ADGB: variants seen among roughly 807,000 people sequenced by gnomAD.
The protein encoded by ADGB is calpain-7-like protein.
In ADGB, 172 loss-of-function variants were observed where a neutral mutation model predicts 210.5. The ratio of observed to expected loss-of-function variants is 0.82; its 90% CI spans 0.72 to 0.93. The LOEUF is 0.93. ADGB is among the 40% of genes least tolerant of loss of function. ADGB has a pLI of 0.00. For synonymous variants in ADGB, 658 were observed against 662.7 expected (o/e 0.99, Z 0.11); for missense variants, 2,025 against 1,964.8 (o/e 1.03, Z -0.58).
At chr6:146,671,555 C>A (rs531432954) in intron 7 of ADGB, among the ~76,000 whole-genome samples, 1 of 151,948 alleles carries the variant, frequency 6.6e-6, no homozygotes, top group African/African-American at 2.4e-5. Flanking sequence ...ATGTGTGAGT[C>A]TGGATATCAG....
At chr6:146,621,582 T>C (rs897420825) in intron 1 of ADGB, among the ~76,000 whole-genome samples, 2 of 152,154 alleles carry the variant, frequency 1.3e-5, no homozygotes, top group African/African-American at 2.4e-5. Flanking sequence ...ATGACTATTC[T>C]AGTCACAACT....
At position 146,788,623 on chromosome 6, in the gene ADGB, G is replaced by C. The variant is rs1384201561; in HGVS notation, c.4537+13G>C. 3 of 1,545,824 alleles carry C rather than the reference G, an allele frequency of 1.9e-6. No homozygotes were observed. The African/African-American group carries it at 4.1e-5, about 21-fold the overall frequency. ...AAGGAAAACATTCGTAAGTATTGCT[G>C]TCATTGGTAACATAAACATGTATTT... On this transcript the variant is annotated intron_variant, in intron 33 of 35. Coordinates refer to ENST00000397944, the MANE Select transcript of ADGB (RefSeq NM_024694.4).
chr6:146,638,153 T>C (rs567663491), intron 2 of ADGB, among the ~76,000 whole-genome samples: 4 of 152,088 alleles, frequency 2.6e-5, no homozygotes, highest in African/African-American at 9.6e-5. Context: ...ATTATCTCAA[T>C]AGATGCAGAA....
intron 1 of ADGB, among the ~76,000 whole-genome samples, chr6:146,629,078 T>A (rs555909960): frequency 6.6e-6 from 1 of 152,224 alleles, no homozygotes; most frequent in South Asian, 2.1e-4. Flanking sequence ...AAGTAATATA[T>A]TATAAAAGTA....
intron 35 of ADGB, chr6:146,807,669 T>C (rs1402965285): frequency 8.5e-6 from 9 of 1,059,630 alleles, no homozygotes; most frequent in Non-Finnish European, 1.2e-5. Context: ...TGATAAGATA[T>C]TGGGCCAACT....
chr6:146,734,679 G>T (rs939712592), intron 22 of ADGB, among the ~76,000 whole-genome samples: 1 of 152,158 alleles, frequency 6.6e-6, no homozygotes, highest in African/African-American at 2.4e-5. Context: ...GGAGGCTGAG[G>T]GGGGCAGATT....
intron 10 of ADGB, among the ~76,000 whole-genome samples, chr6:146,689,923 T>G (rs1381673518): frequency 1.3e-5 from 2 of 152,182 alleles, no homozygotes; most frequent in African/African-American, 4.8e-5. Flanking sequence ...AATTTTTTAG[T>G]TAAGTTGCTA....
chr6:146,634,011 T>C (rs140036660), intron 1 of ADGB, among the ~76,000 whole-genome samples: 90 of 152,286 alleles, frequency 5.9e-4, no homozygotes, highest in African/African-American at 2.0e-3. Context: ...TCCTGCAAGC[T>C]CCACTCATGG....
chr6:146,757,207 T>C (rs1361952981), intron 27 of ADGB, among the ~76,000 whole-genome samples: 3 of 152,070 alleles, frequency 2.0e-5, no homozygotes, highest in Non-Finnish European at 4.4e-5. Flanking sequence ...TTTATAGTTA[T>C]CATAAATTAT....
chr6:146,665,317 C>A (rs1277034240), intron 6 of ADGB, among the ~76,000 whole-genome samples: 2 of 152,032 alleles, frequency 1.3e-5, no homozygotes. Context: ...ACTCCTACTG[C>A]CATCCTCTTC....
intron 1 of ADGB, among the ~76,000 whole-genome samples, chr6:146,622,606 T>C (rs746320823): frequency 2.0e-4 from 31 of 152,114 alleles, no homozygotes; most frequent in Non-Finnish European, 3.5e-4. Flanking sequence ...CAATTTTTAA[T>C]TGGGCTGTAA....
rs771103006 is a variant in ADGB, at chr6:146,763,928, C to G, written c.3578C>G (p.Ser1193Cys). ...QSSKHILSFHSASKKEQEVYV... is the reference protein window; with the variant it reads ...QSSKHILSFHCASKKEQEVYV... ...AGCAAGCACATTCTTTCATTTCACT[C>G]TGCATCCAAGAAAGAGCAAGAAGTG... Residue 1193 changes from serine (S) to cysteine (C), a missense_variant, in exon 28 of 36, where the codon TCT (serine) becomes TGT (cysteine). By Grantham distance (112) the Ser-to-Cys change is moderately radical (BLOSUM62 -1). Transcript: ENST00000397944. 2.1e-5 allele frequency: 32 copies of G among 1,551,008 alleles called. No individual in the cohort carries two copies. In the South Asian group the frequency reaches 3.7e-4, roughly 18 times the overall value.
At chr6:146,626,964 T>C (rs1379341941) in intron 1 of ADGB, among the ~76,000 whole-genome samples, 1 of 152,118 alleles carries the variant, frequency 6.6e-6, no homozygotes, top group Non-Finnish European at 1.5e-5. Context: ...TTTTGAATTA[T>C]TTTTTATCTT....
chr6:146,799,551 A>AAGG (rs1554258593), intron 33 of ADGB, among the ~76,000 whole-genome samples: 4 of 149,654 alleles, frequency 2.7e-5, no homozygotes, highest in Admixed American at 1.3e-4. Context: ...AAAAAAAAAA[A>AAGG]AAGGAAGGAA....
chr6:146,801,709 T>C (rs1778135469), intron 34 of ADGB, 119 bp from the exon 35 acceptor site: 1 of 817,352 alleles, frequency 1.2e-6, no homozygotes, highest in Admixed American at 3.7e-5. Context: ...TCCCTAATGT[T>C]TTATTTGACT....
chr6:146,701,776 G>A (rs557236292), intron 13 of ADGB, among the ~76,000 whole-genome samples: 1 of 151,978 alleles, frequency 6.6e-6, no homozygotes, highest in Admixed American at 6.6e-5. Context: ...TCACTATTTG[G>A]TGGTTGAATG....
intron 33 of ADGB, among the ~76,000 whole-genome samples, 200 bp downstream of exon 33, chr6:146,788,810 A>C (rs968356731): frequency 1.4e-4 from 22 of 152,206 alleles, no homozygotes; most frequent in African/African-American, 5.1e-4. Flanking sequence ...AAAAGACAAA[A>C]GTGGGCAAAA....
chr6:146,718,206 G>T (rs2114567422), intron 16 of ADGB, among the ~76,000 whole-genome samples: 1 of 152,180 alleles, frequency 6.6e-6, no homozygotes, highest in African/African-American at 2.4e-5. Flanking sequence ...AATTAGCCAG[G>T]TGTGGTGGCA....
intron 7 of ADGB, among the ~76,000 whole-genome samples, chr6:146,671,971 C>T (rs765975728): frequency 1.3e-5 from 2 of 152,212 alleles, no homozygotes; most frequent in South Asian, 2.1e-4. Flanking sequence ...CCTACCAGGG[C>T]GAGTGATCTC....
Sources: allele counts gnomAD v4.1 joint callset (sites outside exome capture counted in the v4.1 genomes callset), GRCh38; gene constraint gnomAD v4.1.1; transcripts MANE v1.5; gene names NCBI Gene and HGNC (gene_info 2026-07-23, HGNC 2026-07-21).